The following IL2RA variants were observed in gnomAD, a reference collection of about 807,000 sequenced individuals.
IL2RA encodes the protein interleukin 2 receptor subunit alpha.
In IL2RA, 24 loss-of-function variants were observed where a neutral mutation model predicts 37.8. That is an observed-to-expected ratio of 0.63 (90% CI 0.46 to 0.89). The LOEUF is 0.89. Ranked by LOEUF, IL2RA falls within the 40% of genes least tolerant of loss-of-function variation. IL2RA has a pLI of 0.00. For synonymous variants in IL2RA, 125 were observed against 114.6 expected (o/e 1.09, Z -0.58); for missense variants, 319 against 348.6 (o/e 0.92, Z 0.68).
At chr10:6,027,186 C>G (rs998824282) in intron 1 of IL2RA, among the ~76,000 whole-genome samples, 1 of 151,992 alleles carries the variant, frequency 6.6e-6, no homozygotes, top group African/African-American at 2.4e-5. Flanking sequence ...ATTAGCCGGG[C>G]GTGGTGGCAT....
In IL2RA at chr10:6,035,392, C is replaced by G. The variant is rs1839664465; in HGVS notation, c.65-9367G>C. On this transcript the variant is annotated intron_variant, in intron 1 of 7. Coordinates refer to ENST00000379959, the MANE Select transcript of IL2RA (RefSeq NM_000417.3). The surrounding 1 kb of genome is among the most constrained non-coding windows in gnomAD (Gnocchi z 5.4). Reference sequence around the variant, plus strand: ...AAGTTCTAGGTGGGCTTCCCAAAGCCACATTCAGGCAGGACGGAGCTGCTC... The same window carrying G: ...AAGTTCTAGGTGGGCTTCCCAAAGCGACATTCAGGCAGGACGGAGCTGCTC... 1.3e-5 allele frequency among the ~76,000 whole-genome samples: 2 copies of G among 152,236 alleles called. No homozygotes were observed. The highest frequency in any genetic ancestry group is 4.1e-4 in the South Asian group (2 of 4,830).
chr10:6,024,102 C>A, intron 3 of IL2RA, 142 bp downstream of exon 3: 6 of 697,082 alleles, frequency 8.6e-6, no homozygotes, highest in Non-Finnish European at 1.3e-5. Flanking sequence ...TTCTTGTCTG[C>A]AATGATGTCT....
At chr10:6,023,096 C>T (rs1345350474) in intron 3 of IL2RA, among the ~76,000 whole-genome samples, 1 of 152,202 alleles carries the variant, frequency 6.6e-6, no homozygotes. Flanking sequence ...TGATTCCAGC[C>T]CTACTATGTG....
chr10:6,052,304 A>T (rs1040451198), intron 1 of IL2RA, among the ~76,000 whole-genome samples: 17 of 152,108 alleles, frequency 1.1e-4, no homozygotes, highest in Admixed American at 9.8e-4. Flanking sequence ...AGGGGTAATG[A>T]ACATCGATCT....
Position 6,056,471 on chromosome 10 carries a change from G to A in IL2RA, c.64+5617C>T, listed in dbSNP as rs1840046100. On this transcript the variant is annotated intron_variant, in intron 1 of 7. Transcript: ENST00000379959. The surrounding 1 kb of genome is among the most constrained non-coding windows in gnomAD (Gnocchi z 5.0). ...CAACTGAATTAAGATTCTCTTTTCA[G>A]CTGGGCACAGTGGCTCATGCCTGTA... Among the ~76,000 whole-genome samples the A allele has an allele frequency of 6.6e-6, 1 of 152,182 alleles. No individual in the cohort carries two copies. Among genetic ancestry groups the A allele is most frequent in the African/African-American group, 2.4e-5 (1 of 41,440 alleles).
At chr10:6,032,521 T>C (rs776387518) in intron 1 of IL2RA, among the ~76,000 whole-genome samples, 11 of 151,678 alleles carry the variant, frequency 7.3e-5, no homozygotes, top group Non-Finnish European at 1.5e-4. Flanking sequence ...TGAAACCCTG[T>C]CTCTACTAAA....
At chr10:6,032,503 T>C (rs12722672) in intron 1 of IL2RA, among the ~76,000 whole-genome samples, 415 of 151,924 alleles carry the variant, frequency 2.7e-3, no homozygotes, top group African/African-American at 9.3e-3. Flanking sequence ...CCATCCTGGC[T>C]AACACGGTGA....
In IL2RA at chr10:6,022,333, C is replaced by T. The variant is rs1297760748; in HGVS notation, c.368-640G>A. Among the ~76,000 whole-genome samples the T allele has an allele frequency of 1.3e-5, 2 of 152,176 alleles. No homozygotes were observed. The highest frequency in any genetic ancestry group is 6.5e-5 in the Admixed American group (1 of 15,282). Reference sequence around the variant, plus strand: ...TTGACACACATGCGCCCTTTCAAGACGTCTCAAAATTTCCCATCCCCAGAA... The same window carrying T: ...TTGACACACATGCGCCCTTTCAAGATGTCTCAAAATTTCCCATCCCCAGAA... On this transcript the variant is annotated intron_variant, in intron 3 of 7. Transcript: ENST00000379959. This position sits in a 1 kb window ranked among gnomAD's most constrained non-coding sequence, Gnocchi z 4.7.
At chr10:6,050,794 A>T (rs1328148814) in intron 1 of IL2RA, among the ~76,000 whole-genome samples, 1 of 152,180 alleles carries the variant, frequency 6.6e-6, no homozygotes, top group African/African-American at 2.4e-5. Context: ...GTGCAGGACG[A>T]GGAGGAGGAG....
At chr10:6,051,347 G>A (rs1007617663) in intron 1 of IL2RA, among the ~76,000 whole-genome samples, 5 of 151,960 alleles carry the variant, frequency 3.3e-5, no homozygotes, top group South Asian at 2.1e-4. Context: ...AGAGGCTGAC[G>A]TCAACTTTAA....
At chr10:6,030,794 G>A (rs1839563454) in intron 1 of IL2RA, among the ~76,000 whole-genome samples, 1 of 152,138 alleles carries the variant, frequency 6.6e-6, no homozygotes, top group African/African-American at 2.4e-5. Context: ...ATATGGTATG[G>A]TGGGTTCTGT....
intron 1 of IL2RA, among the ~76,000 whole-genome samples, chr10:6,052,316 T>C (rs1839976922): frequency 6.6e-6 from 1 of 152,172 alleles, no homozygotes. Flanking sequence ...CATCGATCTG[T>C]GTGTTCCATC....
At chr10:6,050,662 G>T in intron 1 of IL2RA, among the ~76,000 whole-genome samples, 1 of 152,146 alleles carries the variant, frequency 6.6e-6, no homozygotes, top group Non-Finnish European at 1.5e-5. Context: ...GGTGGTTGGG[G>T]TGGGGGAATA....
Position 6,056,023 on chromosome 10 carries a change from C to G in IL2RA, c.64+6065G>C, listed in dbSNP as rs1299648129. On this transcript the variant is annotated intron_variant, in intron 1 of 7. Coordinates refer to ENST00000379959, the MANE Select transcript of IL2RA (RefSeq NM_000417.3). The surrounding 1 kb of genome is among the most constrained non-coding windows in gnomAD (Gnocchi z 5.0). ...GTGTTTTCTTTTTGACAGAAGCAAACCACGGAGTCGCCTTGAGATCAGTCA... is the reference window on the plus strand; with the variant it reads ...GTGTTTTCTTTTTGACAGAAGCAAAGCACGGAGTCGCCTTGAGATCAGTCA... Among the ~76,000 whole-genome samples the G allele has an allele frequency of 2.0e-5, 3 of 152,198 alleles. No homozygotes were observed. The highest frequency in any genetic ancestry group is 7.2e-5 in the African/African-American group (3 of 41,430).
At chr10:6,019,838 C>T in intron 5 of IL2RA, 32 bp downstream of exon 5, 4 of 1,604,650 alleles carry the variant, frequency 2.5e-6, no homozygotes, top group Non-Finnish European at 3.4e-6. Context: ...TGGACTAGGC[C>T]TCTGTGGTCC....
At position 6,024,339 on chromosome 10, in the gene IL2RA, G is replaced by C; in HGVS notation, c.272C>G (p.Thr91Arg). ...TTCAGGTTGAGGTGTCACTTGTTTCGTTGTGTTCCGAGTGGCTAGAAAATA... is the reference window on the plus strand; with the variant it reads ...TTCAGGTTGAGGTGTCACTTGTTTCCTTGTGTTCCGAGTGGCTAGAAAATA... The part of the protein sequence containing the change: ...QCTSSATRNT[T>R]KQVTPQPEEQ... Residue 91 changes from threonine to arginine, a missense_variant, in exon 3 of 8, where the codon ACG (threonine) becomes AGG (arginine). Thr to Arg is a moderately conservative substitution (Grantham distance 71). Coordinates refer to ENST00000379959, the MANE Select transcript of IL2RA (RefSeq NM_000417.3). 6.2e-7 allele frequency: 1 copy of C among 1,612,868 alleles called. No individual in the cohort carries two copies.
rs1839391982 is a variant in IL2RA, at chr10:6,021,776, A to G, written c.368-83T>C. 10 of 1,050,920 alleles carry G rather than the reference A, an allele frequency of 9.5e-6. No individual in the cohort carries two copies. In the South Asian group the frequency reaches 1.3e-4, roughly 13 times the overall value. The allele number at this position is 1,050,920 out of a possible 1,614,324, so 65.1% of individuals were successfully genotyped here. A position where few individuals can be genotyped will look rare whatever the true frequency, so the allele number is the denominator to read the frequency against. On this transcript the variant is annotated intron_variant, in intron 3 of 7. Transcript: ENST00000379959. The surrounding 1 kb of genome is among the most constrained non-coding windows in gnomAD (Gnocchi z 4.9). ...CAGGTTGCCTCTTGCTAGGGACTGG[A>G]CCTTGGTTCTTACTCTCTTGACTGC... is the stretch of plus-strand genomic sequence containing the variant.
chr10:6,050,600 T>C lies in IL2RA; in HGVS notation c.64+11488A>G, dbSNP rs923480716. Among the ~76,000 whole-genome samples the C allele has an allele frequency of 2.0e-5, 3 of 152,090 alleles. No individual in the cohort carries two copies. In the South Asian group the frequency reaches 6.2e-4, roughly 32 times the overall value. ...CAGAGGTTGCAGTGAGCCGAGATCA[T>C]ACCACTGCACTCCAGTCTGGGCAAC... On this transcript the variant is annotated intron_variant, in intron 1 of 7. Coordinates refer to ENST00000379959, the MANE Select transcript of IL2RA (RefSeq NM_000417.3).
chr10:6,033,748 T>A lies in IL2RA; in HGVS notation c.65-7723A>T, dbSNP rs1352042585. Among the ~76,000 whole-genome samples the A allele has an allele frequency of 1.3e-5, 2 of 152,230 alleles. No homozygotes were observed. The highest frequency in any genetic ancestry group is 4.8e-5 in the African/African-American group (2 of 41,470). ...AGTTCACAAAAAGACAAAAGTTATA[T>A]CCAGAGATAGAAAGCAGACAGTGGT... On this transcript the variant is annotated intron_variant, in intron 1 of 7. Transcript: ENST00000379959. The surrounding 1 kb of genome is among the most constrained non-coding windows in gnomAD (Gnocchi z 4.3).
Sources: allele counts gnomAD v4.1 joint callset (sites outside exome capture counted in the v4.1 genomes callset), GRCh38; gene constraint gnomAD v4.1.1; non-coding constraint Gnocchi (gnomAD v3.1); transcripts MANE v1.5; gene names NCBI Gene and HGNC (gene_info 2026-07-23, HGNC 2026-07-21).